The following PPP1R9A variants were observed in gnomAD, a reference collection of about 807,000 sequenced individuals.
PPP1R9A encodes neurabin-1.
Under a neutral mutation model 141.9 loss-of-function variants are expected in PPP1R9A, and 59 were observed. The ratio of observed to expected loss-of-function variants is 0.42; its 90% CI spans 0.34 to 0.52. The LOEUF is 0.52. Ranked by LOEUF, PPP1R9A falls within the 20% of genes least tolerant of loss-of-function variation. The probability of loss-of-function intolerance (pLI) is 0.10; values close to 1 mark genes in which losing one functional copy is unlikely to be tolerated. For synonymous variants in PPP1R9A, 500 were observed against 569.7 expected (o/e 0.88, Z 1.74); for missense variants, 1,444 against 1,611.9 (o/e 0.90, Z 1.78).
chr7:95,012,952 A>G (rs1399173487), intron 2 of PPP1R9A, among the ~76,000 whole-genome samples: 1 of 152,142 alleles, frequency 6.6e-6, no homozygotes, highest in Non-Finnish European at 1.5e-5. Context: ...GCGGGATGGG[A>G]TGACTTCTCT....
chr7:95,137,536 G>C (rs1825890431), intron 4 of PPP1R9A, among the ~76,000 whole-genome samples: 1 of 151,956 alleles, frequency 6.6e-6, no homozygotes, highest in Non-Finnish European at 1.5e-5. Context: ...TGAAATTAAG[G>C]GTTGATGGCA....
chr7:95,256,480 T>C lies in PPP1R9A; in HGVS notation c.2665+4350T>C, dbSNP rs528246951. On this transcript the variant is annotated intron_variant, in intron 12 of 19. Transcript: ENST00000433360. ...ATGGAGGAACTTCCATAACTTGATA[T>C]TGTGAGGCTAACAAAAGTCTCTGTC... Among the ~76,000 whole-genome samples the C allele has an allele frequency of 2.8e-3, 427 of 152,236 alleles. 2 individuals are homozygous for C. The highest frequency in any genetic ancestry group is 8.7e-3 in the African/African-American group (362 of 41,572).
At chr7:95,035,347 A>G (rs1009901697) in intron 2 of PPP1R9A, among the ~76,000 whole-genome samples, 2 of 152,176 alleles carry the variant, frequency 1.3e-5, no homozygotes, top group Admixed American at 6.6e-5. Context: ...AATGTTTTAT[A>G]TTTAAATACT....
chr7:94,934,074 G>A (rs1318552306), intron 2 of PPP1R9A, among the ~76,000 whole-genome samples: 8 of 152,068 alleles, frequency 5.3e-5, no homozygotes, highest in Non-Finnish European at 1.0e-4. Flanking sequence ...TTGTGAAATA[G>A]TTCATATTTA....
At chr7:95,003,269 C>T (rs1017126827) in intron 2 of PPP1R9A, among the ~76,000 whole-genome samples, 3 of 152,070 alleles carry the variant, frequency 2.0e-5, no homozygotes, top group South Asian at 4.1e-4. Context: ...TATTCTTACA[C>T]GTCTCCATTA....
At chr7:95,165,018 A>G (rs999882243) in intron 5 of PPP1R9A, among the ~76,000 whole-genome samples, 9 of 151,930 alleles carry the variant, frequency 5.9e-5, no homozygotes, top group Admixed American at 3.3e-4. Flanking sequence ...ATGACATACA[A>G]TTGGCTGCTT....
intron 2 of PPP1R9A, among the ~76,000 whole-genome samples, chr7:95,095,042 A>G (rs1341808653): frequency 1.3e-5 from 2 of 152,108 alleles, no homozygotes; most frequent in Non-Finnish European, 2.9e-5. Context: ...GAAACCTTAC[A>G]GAAGACAGAA....
intron 2 of PPP1R9A, among the ~76,000 whole-genome samples, chr7:94,985,097 C>T (rs1289315606): frequency 6.6e-6 from 1 of 152,038 alleles, no homozygotes; most frequent in Non-Finnish European, 1.5e-5. Context: ...TTTACCCAGT[C>T]GTCATTCAGG....
In PPP1R9A at chr7:95,023,604, A is replaced by G. The variant is rs192771072; in HGVS notation, c.1396-87655A>G. Among the ~76,000 whole-genome samples the G allele has an allele frequency of 4.3e-3, 651 of 151,998 alleles. 4 individuals carry two copies. Among genetic ancestry groups the G allele is most frequent in the African/African-American group, 0.015 (635 of 41,442 alleles). ...AGTCTTGCTCTGTTGCCCAGGCTGG[A>G]GTGCAGTGGCGCGATCTTGGCTCAC... On this transcript the variant is annotated intron_variant, in intron 2 of 19. Transcript: ENST00000433360.
rs142019521 is a variant in PPP1R9A, at chr7:95,180,488, A to T, written c.1755-17861A>T. Among the ~76,000 whole-genome samples, 1,175 of 152,226 alleles carry T rather than the reference A, an allele frequency of 7.7e-3. 14 individuals carry two copies. Among genetic ancestry groups the T allele is most frequent in the African/African-American group, 0.027 (1,115 of 41,538 alleles). ...GCAGTTTTGGGTTTCATGACCAAGAACCCAAAAGCAAATGCAATAAAAACG... is the reference window on the plus strand; with the variant it reads ...GCAGTTTTGGGTTTCATGACCAAGATCCCAAAAGCAAATGCAATAAAAACG... On this transcript the variant is annotated intron_variant, in intron 5 of 19. Coordinates refer to ENST00000433360, the MANE Select transcript of PPP1R9A (RefSeq NM_001166160.2).
intron 2 of PPP1R9A, among the ~76,000 whole-genome samples, chr7:94,993,495 G>A (rs1020359862): frequency 2.0e-5 from 3 of 152,120 alleles, no homozygotes; most frequent in African/African-American, 7.2e-5. Flanking sequence ...GGGAGAATTG[G>A]CATCTTAGCA....
chr7:94,945,304 G>A lies in PPP1R9A; in HGVS notation c.1395+33796G>A, dbSNP rs17166545. Among the ~76,000 whole-genome samples the A allele has an allele frequency of 6.0e-3, 905 of 152,088 alleles. 9 individuals carry two copies. Among genetic ancestry groups the A allele is most frequent in the African/African-American group, 0.02 (839 of 41,538 alleles). ...TGAAGTTTATGAGGCTTGTTTTCAT[G>A]ACATATACAAAAGACAGGGATTCTT... is the stretch of plus-strand genomic sequence containing the variant. On this transcript the variant is annotated intron_variant, in intron 2 of 19. Coordinates refer to ENST00000433360, the MANE Select transcript of PPP1R9A (RefSeq NM_001166160.2).
At chr7:95,254,190 T>C (rs1455814559) in intron 12 of PPP1R9A, among the ~76,000 whole-genome samples, 2 of 152,130 alleles carry the variant, frequency 1.3e-5, no homozygotes, top group Admixed American at 1.3e-4. Flanking sequence ...GCTTGTGCAG[T>C]AGAGGTAGAA....
At chr7:94,966,470 T>G (rs1798231239) in intron 2 of PPP1R9A, among the ~76,000 whole-genome samples, 1 of 152,238 alleles carries the variant, frequency 6.6e-6, no homozygotes, top group Non-Finnish European at 1.5e-5. Context: ...AAAAAACTCT[T>G]CTTATTTTGA....
rs904076130 is a variant in PPP1R9A at position 95,293,301 on chromosome 7, A to G, written c.*2998A>G. On this transcript the variant is annotated 3_prime_UTR_variant, in exon 20 of 20. Transcript: ENST00000433360. ...GTAATACTAATCTCATTCTTTTTTT[A>G]CCTGAATCAGGAATTTTCTGCAGAA... 12 of 152,100 alleles carry G rather than the reference A, an allele frequency of 7.9e-5. No individual in the cohort carries two copies. Among genetic ancestry groups the G allele is most frequent in the Admixed American group, 6.5e-4 (10 of 15,268 alleles). 9.4% of individuals were successfully genotyped at this position (152,100 alleles called of 1,614,324 possible).
At chr7:95,189,062 C>G (rs1835077386) in intron 5 of PPP1R9A, among the ~76,000 whole-genome samples, 2 of 152,182 alleles carry the variant, frequency 1.3e-5, no homozygotes, top group African/African-American at 4.8e-5. Context: ...TTGCTGGATA[C>G]AGAGTTCTTG....
At chr7:95,094,879 C>CAAAAAAAAAAAAAAAAAAAAA (rs1166550834) in intron 2 of PPP1R9A, among the ~76,000 whole-genome samples, 1 of 44,974 alleles carries the variant, frequency 2.2e-5, no homozygotes, top group Non-Finnish European at 4.2e-5. Flanking sequence ...GACTGCGTCT[C>CAAAAAAAAAAAAAAAAAAAAA]AAAAAAAAAA....
chr7:94,994,793 C>T (rs1450946724), intron 2 of PPP1R9A, among the ~76,000 whole-genome samples: 1 of 151,752 alleles, frequency 6.6e-6, no homozygotes, highest in Non-Finnish European at 1.5e-5. Flanking sequence ...ACTTGGGAGG[C>T]TGAGGCAGGA....
chr7:95,157,962 G>T (rs1358036972), intron 4 of PPP1R9A, among the ~76,000 whole-genome samples: 4 of 152,134 alleles, frequency 2.6e-5, no homozygotes, highest in Non-Finnish European at 5.9e-5. Flanking sequence ...ATATTACTTG[G>T]TAAATAAACC....
Sources: allele counts gnomAD v4.1 joint callset (sites outside exome capture counted in the v4.1 genomes callset), GRCh38; gene constraint gnomAD v4.1.1; transcripts MANE v1.5; gene names NCBI Gene and HGNC (gene_info 2026-07-23, HGNC 2026-07-21).